MAML2: variants seen among roughly 807,000 people sequenced by gnomAD.
MAML2 encodes mastermind like transcriptional coactivator 2.
MAML2 carries 22 observed loss-of-function variants against 96.1 expected under a neutral mutation model. The ratio of observed to expected loss-of-function variants is 0.23; its 90% CI spans 0.16 to 0.33. The LOEUF (loss-of-function observed/expected upper bound fraction) is 0.33, where lower values mean the gene tolerates loss of function less well. Among genes scored for constraint, MAML2 ranks in the 10% least tolerant of loss-of-function variants. MAML2 has a pLI of 1.00. For synonymous variants in MAML2, 561 were observed against 521.3 expected (o/e 1.08, Z -1.04); for missense variants, 1,367 against 1,392.4 (o/e 0.98, Z 0.29).
chr11:96,245,206 G>A (rs997891532), intron 1 of MAML2, among the ~76,000 whole-genome samples: 33 of 143,356 alleles, frequency 2.3e-4, no homozygotes, highest in Non-Finnish European at 4.8e-4. Context: ...CTTCCGAACA[G>A]TCATCCTTCT....
At chr11:96,106,714 A>G (rs980050033) in intron 1 of MAML2, among the ~76,000 whole-genome samples, 1 of 152,212 alleles carries the variant, frequency 6.6e-6, no homozygotes, top group African/African-American at 2.4e-5. Context: ...TTCAGACACA[A>G]TGCAGGACAG....
At chr11:96,277,817 A>C (rs978098389) in intron 1 of MAML2, among the ~76,000 whole-genome samples, 55 of 152,206 alleles carry the variant, frequency 3.6e-4, no homozygotes, top group African/African-American at 1.3e-3. Flanking sequence ...TAAATCCTGA[A>C]GTACTAATTT....
intron 2 of MAML2, among the ~76,000 whole-genome samples, chr11:96,019,379 C>A (rs1411057369): frequency 2.0e-5 from 3 of 152,008 alleles, no homozygotes; most frequent in Non-Finnish European, 4.4e-5. Context: ...TGAATATAAT[C>A]TCTGTAGGGT....
chr11:96,137,436 A>G (rs1200827797), intron 1 of MAML2, among the ~76,000 whole-genome samples: 1 of 152,256 alleles, frequency 6.6e-6, no homozygotes, highest in African/African-American at 2.4e-5. Context: ...GGAAAACCCA[A>G]TTCCTTTGTC....
At chr11:96,249,455 C>G (rs1426155777) in intron 1 of MAML2, among the ~76,000 whole-genome samples, 5 of 152,090 alleles carry the variant, frequency 3.3e-5, no homozygotes, top group African/African-American at 4.8e-5. Context: ...GCTTGGATGT[C>G]TAATAGGCAT....
At chr11:96,033,772 G>A (rs518716) in intron 2 of MAML2, among the ~76,000 whole-genome samples, 58,970 of 151,808 alleles carry the variant, frequency 0.39, 11,649 homozygotes, top group Middle Eastern at 0.45. Context: ...TGCATTGGCT[G>A]GGTTTCATCT....
chr11:96,054,656 C>T (rs960865245), intron 2 of MAML2, among the ~76,000 whole-genome samples: 1 of 152,104 alleles, frequency 6.6e-6, no homozygotes, highest in African/African-American at 2.4e-5. Context: ...GATATACTTA[C>T]CCTTTGTTCC....
At chr11:96,282,173 CG>C (rs1863078215) in intron 1 of MAML2, among the ~76,000 whole-genome samples, 1 of 151,148 alleles carries the variant, frequency 6.6e-6, no homozygotes, top group African/African-American at 2.4e-5. Flanking sequence ...GGCGTGAACC[CG>C]GGAGACGGAG....
At chr11:96,040,820 C>T (rs1464868052) in intron 2 of MAML2, among the ~76,000 whole-genome samples, 1 of 152,178 alleles carries the variant, frequency 6.6e-6, no homozygotes, top group African/African-American at 2.4e-5. Context: ...ACTAACCACC[C>T]TGCCTAAGAT....
rs1860950804 is a variant in MAML2, at chr11:96,153,145, T to G, written c.514-59628A>C. Among the ~76,000 whole-genome samples the G allele has an allele frequency of 2.0e-5, 3 of 151,894 alleles. No individual in the cohort carries two copies. The South Asian group carries it at 6.2e-4, about 31-fold the overall frequency. The stretch of plus-strand genomic sequence containing the variant: ...AAATTTAGGCCCCATCTGGATTTTC[T>G]GCTTCTGTTTTTAGAATTTTTTTTT... On this transcript the variant is annotated intron_variant, in intron 1 of 4. Coordinates refer to ENST00000524717, the MANE Select transcript of MAML2 (RefSeq NM_032427.4).
intron 1 of MAML2, among the ~76,000 whole-genome samples, chr11:96,095,458 C>A (rs1264573726): frequency 6.6e-6 from 1 of 152,150 alleles, no homozygotes; most frequent in African/African-American, 2.4e-5. Flanking sequence ...GAGAAAGGAA[C>A]CTGACCCAAG....
intron 1 of MAML2, among the ~76,000 whole-genome samples, chr11:96,245,545 TA>T (rs1266485159): frequency 6.6e-6 from 1 of 152,162 alleles, no homozygotes; most frequent in Non-Finnish European, 1.5e-5. Flanking sequence ...ATCCTTTATA[TA>T]AACTTCTGCT....
At chr11:96,007,487 A>G (rs1858201927) in intron 2 of MAML2, among the ~76,000 whole-genome samples, 2 of 152,212 alleles carry the variant, frequency 1.3e-5, no homozygotes, top group African/African-American at 2.4e-5. Context: ...GCGAGACAAA[A>G]TATGACTATA....
intron 1 of MAML2, among the ~76,000 whole-genome samples, chr11:96,280,023 A>G (rs1056965579): frequency 6.6e-6 from 1 of 152,224 alleles, no homozygotes; most frequent in African/African-American, 2.4e-5. Flanking sequence ...TGAATCTGGC[A>G]TGTATAAAAT....
chr11:96,209,600 AC>A (rs1430437992), intron 1 of MAML2, among the ~76,000 whole-genome samples: 538 of 43,380 alleles, frequency 0.012, 2 homozygotes, highest in Middle Eastern at 0.049. Context: ...AAACAAACAA[AC>A]AAACAAAAAA....
intron 2 of MAML2, among the ~76,000 whole-genome samples, chr11:96,033,458 A>G (rs903246643): frequency 6.6e-6 from 1 of 152,236 alleles, no homozygotes; most frequent in Non-Finnish European, 1.5e-5. Flanking sequence ...ACATAAATGA[A>G]TCTATGCTTA....
chr11:96,332,249 C>G (rs1363439670), intron 1 of MAML2, among the ~76,000 whole-genome samples: 1 of 152,242 alleles, frequency 6.6e-6, no homozygotes, highest in Non-Finnish European at 1.5e-5. Flanking sequence ...CGCACTCACA[C>G]TAGCTAAGCA....
intron 1 of MAML2, among the ~76,000 whole-genome samples, chr11:96,321,930 A>G (rs1365152623): frequency 6.6e-6 from 1 of 152,178 alleles, no homozygotes; most frequent in Non-Finnish European, 1.5e-5. Flanking sequence ...GAGTGGAAAA[A>G]TGTTCCTGAA....
intron 1 of MAML2, among the ~76,000 whole-genome samples, chr11:96,279,866 A>C (rs1863041199): frequency 6.6e-6 from 1 of 152,188 alleles, no homozygotes; most frequent in Non-Finnish European, 1.5e-5. Context: ...TGAACTGAGC[A>C]CTTTATAATG....
Sources: allele counts gnomAD v4.1 joint callset (sites outside exome capture counted in the v4.1 genomes callset), GRCh38; gene constraint gnomAD v4.1.1; transcripts MANE v1.5; gene names NCBI Gene and HGNC (gene_info 2026-07-23, HGNC 2026-07-21).